The following PINX1 variants were observed in gnomAD, a reference collection of about 807,000 sequenced individuals.
PINX1 encodes PIN2 (TERF1) interacting telomerase inhibitor 1.
In PINX1, 34 loss-of-function variants were observed where a neutral mutation model predicts 25.4. The ratio of observed to expected loss-of-function variants is 1.34; its 90% CI spans 1.02 to 1.78. PINX1 has a LOEUF of 1.78. Among genes scored for constraint, PINX1 ranks in the 40% most tolerant of loss-of-function variants. The probability of loss-of-function intolerance (pLI) is 0.00; values close to 1 mark genes in which losing one functional copy is unlikely to be tolerated. For synonymous variants in PINX1, 197 were observed against 147.7 expected (o/e 1.33, Z -2.42); for missense variants, 592 against 404.9 (o/e 1.46, Z -3.97).
intron 6 of PINX1, among the ~76,000 whole-genome samples, chr8:10,789,379 C>A (rs1408279287): frequency 1.3e-5 from 2 of 152,220 alleles, no homozygotes; most frequent in African/African-American, 4.8e-5. Flanking sequence ...ATGATCCCCA[C>A]AGTCAAGCTA....
chr8:10,804,910 C>A (rs754054426), intron 6 of PINX1, among the ~76,000 whole-genome samples: 1 of 151,950 alleles, frequency 6.6e-6, no homozygotes, highest in South Asian at 2.1e-4. Context: ...AGTGACCCTG[C>A]CTATACTTTA....
chr8:10,777,197 C>G (rs1801421531), intron 6 of PINX1, among the ~76,000 whole-genome samples: 1 of 152,182 alleles, frequency 6.6e-6, no homozygotes, highest in Non-Finnish European at 1.5e-5. Context: ...ACTGCTTTCT[C>G]ATTTCTTCTT....
chr8:10,765,806 C>T lies in PINX1; in HGVS notation c.582G>A (p.Gln194=). 5.6e-6 allele frequency: 9 copies of T among 1,613,938 alleles called. No individual in the cohort carries two copies. In the South Asian group the frequency reaches 9.9e-5, roughly 18 times the overall value. The change falls in exon 7 of 7, where the codon CAG becomes CAA. Residue 194 remains glutamine, a synonymous_variant. Coordinates refer to ENST00000314787, the MANE Select transcript of PINX1 (RefSeq NM_017884.6). The part of the protein sequence containing the change: ...KRMAALKNKP[Q]VPVPGSDISE... ...AAATGTCAGACCCTGGAACTGGAAC[C>T]TGGGGCTTGTTCTTCAGTGCTGCCA...
rs537812142 is a variant in PINX1, at chr8:10,826,241, G to T, written c.305C>A (p.Ser102Tyr). The change falls in exon 5 of 7, where the codon TCC becomes TAC. Residue 102 changes from serine to tyrosine, a missense_variant. Transcript: ENST00000314787. Reference protein sequence around the residue: ...NTCHGQETTDSSDKKEKKSFS... With the variant: ...NTCHGQETTDYSDKKEKKSFS... ...AGATTTCTTTTCCTTCTTGTCCGAG[G>T]AATCTTTAAAAAAGATGAAAAAAAT... 9.1e-5 allele frequency: 140 copies of T among 1,544,260 alleles called. 2 individuals are homozygous for T. The South Asian group carries it at 9.6e-4, about 11-fold the overall frequency.
At chr8:10,833,459 G>A (rs1027673416) in intron 2 of PINX1, 8 of 155,904 alleles carry the variant, frequency 5.1e-5, no homozygotes, top group Non-Finnish European at 9.9e-5. Flanking sequence ...GAAAAAGGAG[G>A]GAGGAAGGGA....
chr8:10,777,849 C>T (rs1801442960), intron 6 of PINX1, among the ~76,000 whole-genome samples: 2 of 152,174 alleles, frequency 1.3e-5, no homozygotes, highest in Non-Finnish European at 2.9e-5. Flanking sequence ...GATCTGCTAT[C>T]AGATACTCCG....
At position 10,769,693 on chromosome 8, in the gene PINX1, A is replaced by G. The variant is rs114836662; in HGVS notation, c.472-3777T>C. 1.8e-3 allele frequency among the ~76,000 whole-genome samples: 279 copies of G among 152,338 alleles called. 1 individual carries two copies. Among genetic ancestry groups the G allele is most frequent in the African/African-American group, 6.3e-3 (264 of 41,578 alleles). ...CGTCCTCTCCACATCACACAGGCAG[A>G]GAGTGAGACTCCTAGCACTTAATCC... On this transcript the variant is annotated intron_variant, in intron 6 of 6. Coordinates refer to ENST00000314787, the MANE Select transcript of PINX1 (RefSeq NM_017884.6).
intron 6 of PINX1, among the ~76,000 whole-genome samples, chr8:10,774,754 G>C (rs975985472): frequency 6.6e-6 from 1 of 152,070 alleles, no homozygotes; most frequent in African/African-American, 2.4e-5. Context: ...ACTACATAAG[G>C]CTAATATTTT....
chr8:10,800,348 T>C (rs1802227326), intron 6 of PINX1, among the ~76,000 whole-genome samples: 1 of 152,218 alleles, frequency 6.6e-6, no homozygotes. Flanking sequence ...ATAATGTCAA[T>C]GATAATTATT....
At chr8:10,774,471 G>C (rs1801326028) in intron 6 of PINX1, among the ~76,000 whole-genome samples, 1 of 152,092 alleles carries the variant, frequency 6.6e-6, no homozygotes, top group South Asian at 2.1e-4. Context: ...AGTAGAGACA[G>C]GGTTTCTCCA....
At chr8:10,825,893 A>G (rs898668545) in intron 5 of PINX1, among the ~76,000 whole-genome samples, 10 of 152,232 alleles carry the variant, frequency 6.6e-5, no homozygotes, top group Non-Finnish European at 1.2e-4. Context: ...AGCTGATTCC[A>G]TTTTTTAGCT....
chr8:10,779,533 C>T (rs1004723412), intron 6 of PINX1, among the ~76,000 whole-genome samples: 5 of 152,044 alleles, frequency 3.3e-5, no homozygotes, highest in African/African-American at 1.2e-4. Context: ...CAAAACAAAC[C>T]CTCTGAATCT....
At chr8:10,809,646 A>G (rs368003647) in intron 6 of PINX1, among the ~76,000 whole-genome samples, 1 of 152,222 alleles carries the variant, frequency 6.6e-6, no homozygotes, top group African/African-American at 2.4e-5. Flanking sequence ...AAACACAAAG[A>G]AGTGAAGTTC....
At chr8:10,827,730 C>A (rs1798100610) in intron 4 of PINX1, among the ~76,000 whole-genome samples, 1 of 151,220 alleles carries the variant, frequency 6.6e-6, no homozygotes, top group Non-Finnish European at 1.5e-5. Context: ...CATGGTGAAA[C>A]CCCGTCTCTA....
At chr8:10,776,006 T>G (rs1801381082) in intron 6 of PINX1, among the ~76,000 whole-genome samples, 1 of 152,106 alleles carries the variant, frequency 6.6e-6, no homozygotes, top group Non-Finnish European at 1.5e-5. Context: ...ATGCTAGAAC[T>G]CTATGGAATC....
chr8:10,812,581 C>A (rs1020251158), intron 6 of PINX1, among the ~76,000 whole-genome samples: 1 of 152,196 alleles, frequency 6.6e-6, no homozygotes, highest in Non-Finnish European at 1.5e-5. Context: ...GCTAGTTCTT[C>A]CTTTGTCCAA....
chr8:10,805,436 G>C (rs546838553), intron 6 of PINX1, among the ~76,000 whole-genome samples: 2 of 152,300 alleles, frequency 1.3e-5, no homozygotes, highest in East Asian at 3.9e-4. Context: ...CTTGCAGGAA[G>C]AAGCCATACT....
intron 6 of PINX1, among the ~76,000 whole-genome samples, chr8:10,809,154 T>C (rs1010244795): frequency 6.6e-6 from 1 of 152,222 alleles, no homozygotes; most frequent in African/African-American, 2.4e-5. Context: ...AACTCGGCTA[T>C]TTTAGCCCTG....
At chr8:10,814,831 A>G (rs1434481985) in intron 6 of PINX1, among the ~76,000 whole-genome samples, 1 of 152,248 alleles carries the variant, frequency 6.6e-6, no homozygotes, top group Non-Finnish European at 1.5e-5. Flanking sequence ...AGCCAGTCAC[A>G]TGCTGGGGAC....
Sources: gnomAD v4.1 joint callset for allele counts (sites outside exome capture counted in the v4.1 genomes callset) on GRCh38, gnomAD v4.1.1 for gene constraint, MANE v1.5 for transcripts, NCBI Gene and HGNC (gene_info 2026-07-23, HGNC 2026-07-21) for gene names.